Variants in FNBP1L observed in about 807,000 individuals in gnomAD.
The protein encoded by FNBP1L is formin-binding protein 1-like.
Under a neutral mutation model 91.2 loss-of-function variants are expected in FNBP1L, and 36 were observed. The observed-to-expected ratio is 0.39, with a 90% CI of 0.30 to 0.52. The LOEUF (loss-of-function observed/expected upper bound fraction) is 0.52, where lower values mean the gene tolerates loss of function less well. Among genes scored for constraint, FNBP1L ranks in the 20% least tolerant of loss-of-function variants. FNBP1L has a pLI of 0.66. For missense variants in FNBP1L, 571 were observed against 732.1 expected (o/e 0.78, Z 2.54); for synonymous variants, 242 against 237.0 (o/e 1.02, Z -0.19).
At chr1:93,448,689 A>C (rs2101676367) in intron 1 of FNBP1L, among the ~76,000 whole-genome samples, 1 of 151,274 alleles carries the variant, frequency 6.6e-6, no homozygotes, top group South Asian at 2.1e-4. Flanking sequence ...CTCCTCCCGG[A>C]GGCGGGGGAG....
intron 1 of FNBP1L, among the ~76,000 whole-genome samples, chr1:93,468,185 A>G (rs1669154707): frequency 6.6e-6 from 1 of 152,316 alleles, no homozygotes; most frequent in African/African-American, 2.4e-5. Flanking sequence ...GACATTTCAT[A>G]TAAATGGAAT....
chr1:93,550,069 G>A (rs1026209476), intron 15 of FNBP1L, among the ~76,000 whole-genome samples: 3 of 152,166 alleles, frequency 2.0e-5, no homozygotes, highest in African/African-American at 7.2e-5. Context: ...AGAACTGAGC[G>A]ACACTTTCAT....
chr1:93,480,212 A>G (rs1014057733), intron 1 of FNBP1L, among the ~76,000 whole-genome samples: 1 of 152,186 alleles, frequency 6.6e-6, no homozygotes, highest in Admixed American at 6.5e-5. Context: ...CCTCAGAACA[A>G]TTTAGTGAAG....
intron 2 of FNBP1L, among the ~76,000 whole-genome samples, chr1:93,509,383 C>G (rs1670740228): frequency 6.6e-6 from 1 of 152,180 alleles, no homozygotes; most frequent in Non-Finnish European, 1.5e-5. Flanking sequence ...TGTACTTACA[C>G]AGAGCTCATA....
At chr1:93,519,862 C>T (rs1356995472) in intron 2 of FNBP1L, among the ~76,000 whole-genome samples, 3 of 152,146 alleles carry the variant, frequency 2.0e-5, no homozygotes, top group East Asian at 1.9e-4. Flanking sequence ...TAGGCTGAGG[C>T]AGGAGGATCT....
intron 2 of FNBP1L, among the ~76,000 whole-genome samples, chr1:93,501,481 A>T (rs1333488867): frequency 6.6e-6 from 1 of 152,136 alleles, no homozygotes; most frequent in African/African-American, 2.4e-5. Context: ...CTGACTTTTT[A>T]AAAACCCACT....
At chr1:93,480,542 A>G (rs1669662185) in intron 1 of FNBP1L, among the ~76,000 whole-genome samples, 1 of 151,846 alleles carries the variant, frequency 6.6e-6, no homozygotes. Flanking sequence ...TTTCTTGCTG[A>G]TGACTCTAGG....
Position 93,552,551 on chromosome 1 carries a change from T to C in FNBP1L, c.*135T>C. On this transcript the variant is annotated 3_prime_UTR_variant, in exon 17 of 17. Transcript: ENST00000271234. ...CATGAGTGCATGCAGACATGATTTT[T>C]TTTTTACTAACTTCATTAGCATTTC... 1 of 811,472 alleles carries C rather than the reference T, an allele frequency of 1.2e-6. No homozygotes were observed. Among genetic ancestry groups the C allele is most frequent in the East Asian group, 2.8e-5 (1 of 35,180 alleles). 50.3% of individuals were successfully genotyped at this position (811,472 alleles called of 1,614,324 possible).
chr1:93,534,144 T>C (rs1671770878), intron 8 of FNBP1L, among the ~76,000 whole-genome samples: 1 of 152,154 alleles, frequency 6.6e-6, no homozygotes, highest in African/African-American at 2.4e-5. Context: ...CTCAGTAGTG[T>C]TTATGAGATC....
At chr1:93,450,058 G>A (rs950477331) in intron 1 of FNBP1L, among the ~76,000 whole-genome samples, 26 of 152,048 alleles carry the variant, frequency 1.7e-4, no homozygotes, top group African/African-American at 5.8e-4. Context: ...GTGGAGGCAT[G>A]TTATTTAGAT....
rs558634669 is a variant in FNBP1L, at chr1:93,490,001, A to G, written c.25-9467A>G. Among the ~76,000 whole-genome samples, 5 of 152,376 alleles carry G rather than the reference A, an allele frequency of 3.3e-5. No individual in the cohort carries two copies. In the South Asian group the frequency reaches 8.3e-4, roughly 25 times the overall value. On this transcript the variant is annotated intron_variant, in intron 1 of 16. Coordinates refer to ENST00000271234, the MANE Select transcript of FNBP1L (RefSeq NM_001164473.3). Reference sequence around the variant, plus strand: ...TCCAAACTAGGACAGCAAAGTCATTATTCTGCTTTTTAGTGAAGAAAGTAT... The same window carrying G: ...TCCAAACTAGGACAGCAAAGTCATTGTTCTGCTTTTTAGTGAAGAAAGTAT...
chr1:93,504,307 A>C (rs1454471473), intron 2 of FNBP1L, among the ~76,000 whole-genome samples: 2 of 152,142 alleles, frequency 1.3e-5, no homozygotes, highest in Non-Finnish European at 2.9e-5. Context: ...TGTTGTGTAC[A>C]TCATTGTGTC....
rs551232161 is a variant in FNBP1L, at chr1:93,540,009, A to T, written c.1150-1033A>T. On this transcript the variant is annotated intron_variant, in intron 10 of 16. Transcript: ENST00000271234. The stretch of plus-strand genomic sequence containing the variant: ...TAAAAATTTTACAGGCAGCTCACTA[A>T]TTGAGATGAATGTGAAGATTAACTT... 2.0e-5 allele frequency among the ~76,000 whole-genome samples: 3 copies of T among 152,238 alleles called. No individual in the cohort carries two copies. In the East Asian group the frequency reaches 5.8e-4, roughly 29 times the overall value.
At chr1:93,467,399 T>C (rs2449374) in intron 1 of FNBP1L, among the ~76,000 whole-genome samples, 25,258 of 152,214 alleles carry the variant, frequency 0.17, 2,329 homozygotes, top group Middle Eastern at 0.19. Flanking sequence ...GGACGAATAT[T>C]GTACAACTCC....
At chr1:93,521,895 A>G (rs1180856406) in intron 2 of FNBP1L, among the ~76,000 whole-genome samples, 187 bp from the exon 3 acceptor site, 2 of 152,174 alleles carry the variant, frequency 1.3e-5, no homozygotes, top group Non-Finnish European at 2.9e-5. Flanking sequence ...TCCAGGTATC[A>G]GTATTTTAAG....
At chr1:93,451,350 T>C (rs76279758) in intron 1 of FNBP1L, among the ~76,000 whole-genome samples, 54 of 152,288 alleles carry the variant, frequency 3.5e-4, no homozygotes, top group African/African-American at 1.2e-3. Context: ...AATAGGTTTT[T>C]AGTTTTTGAG....
chr1:93,543,571 TG>T (rs1197172949), intron 11 of FNBP1L, among the ~76,000 whole-genome samples: 3 of 152,302 alleles, frequency 2.0e-5, no homozygotes, highest in East Asian at 1.9e-4. Flanking sequence ...CTATATGTAG[TG>T]TTAAAGTATA....
chr1:93,464,284 C>T (rs955572784), intron 1 of FNBP1L, among the ~76,000 whole-genome samples: 4 of 152,148 alleles, frequency 2.6e-5, no homozygotes, highest in East Asian at 1.9e-4. Context: ...ACAGTACATA[C>T]GGATCTTCTC....
intron 1 of FNBP1L, among the ~76,000 whole-genome samples, chr1:93,497,303 AT>A (rs1189764950): frequency 2.0e-5 from 3 of 152,322 alleles, no homozygotes; most frequent in African/African-American, 7.2e-5. Flanking sequence ...ATATTTTCTG[AT>A]TTAGTTTAGT....
Sources: allele counts gnomAD v4.1 joint callset (sites outside exome capture counted in the v4.1 genomes callset), GRCh38; gene constraint gnomAD v4.1.1; transcripts MANE v1.5; gene names NCBI Gene and HGNC (gene_info 2026-07-23, HGNC 2026-07-21).